The following PTPN13 variants were observed in gnomAD, a reference collection of about 807,000 sequenced individuals.
PTPN13 encodes tyrosine-protein phosphatase non-receptor type 13.
PTPN13 carries 191 observed loss-of-function variants against 284.0 expected under a neutral mutation model. That is an observed-to-expected ratio of 0.67 (90% CI 0.60 to 0.76). PTPN13 has a LOEUF of 0.76. Ranked by LOEUF, PTPN13 falls within the 30% of genes least tolerant of loss-of-function variation. The pLI, the probability that PTPN13 is intolerant of heterozygous loss-of-function variation, is 0.00. For synonymous variants in PTPN13, 986 were observed against 1,022.3 expected (o/e 0.96, Z 0.68); for missense variants, 2,797 against 2,939.9 (o/e 0.95, Z 1.12).
intron 5 of PTPN13, among the ~76,000 whole-genome samples, chr4:86,690,910 T>A (rs1443216837): frequency 1.3e-5 from 2 of 152,116 alleles, no homozygotes; most frequent in East Asian, 3.9e-4. Flanking sequence ...AAGATACAAA[T>A]TTGAATAAAA....
chr4:86,747,225 G>C (rs1208905861), intron 17 of PTPN13, among the ~76,000 whole-genome samples: 1 of 152,212 alleles, frequency 6.6e-6, no homozygotes, highest in Non-Finnish European at 1.5e-5. Context: ...GAGCCAAATT[G>C]CCAGTGGCAA....
chr4:86,784,953 A>C (rs916672018), intron 38 of PTPN13, among the ~76,000 whole-genome samples: 1 of 152,110 alleles, frequency 6.6e-6, no homozygotes, highest in African/African-American at 2.4e-5. Context: ...ATAAACATTA[A>C]ATTATTAATG....
intron 41 of PTPN13, among the ~76,000 whole-genome samples, chr4:86,797,974 T>C (rs1479835735): frequency 6.6e-6 from 1 of 152,084 alleles, no homozygotes; most frequent in Non-Finnish European, 1.5e-5. Flanking sequence ...CTCCATCAAG[T>C]TTAGCACACT....
At position 86,769,856 on chromosome 4, in the gene PTPN13, T is replaced by G; in HGVS notation, c.4577T>G (p.Ile1526Ser). ...GAAGATAATCTTATACCGGAGCAAA[T>G]TAATGCCAGCATAGTAAGGGTTAAA... is the stretch of plus-strand genomic sequence containing the variant. Reference protein sequence around the residue: ...SREDNLIPEQINASIVRVKKL... With the variant: ...SREDNLIPEQSNASIVRVKKL... Residue 1526 changes from isoleucine (I) to serine (S), a missense_variant, in exon 29 of 48, where the codon ATT becomes AGT. Coordinates refer to ENST00000411767, the MANE Select transcript of PTPN13 (RefSeq NM_080683.3). 2 of 1,613,880 alleles carry G rather than the reference T, an allele frequency of 1.2e-6. No homozygotes were observed. The highest frequency in any genetic ancestry group is 1.7e-6 in the Non-Finnish European group (2 of 1,179,836).
chr4:86,797,735 T>G (rs1160420158), intron 41 of PTPN13, among the ~76,000 whole-genome samples: 2 of 151,970 alleles, frequency 1.3e-5, no homozygotes, highest in Non-Finnish European at 2.9e-5. Flanking sequence ...ACTTCAAAAT[T>G]TTTTAATTTT....
chr4:86,629,942 T>A (rs960249023), intron 1 of PTPN13, among the ~76,000 whole-genome samples: 2 of 151,980 alleles, frequency 1.3e-5, no homozygotes, highest in African/African-American at 4.8e-5. Context: ...AAAAGCATTA[T>A]TATATATAGA....
chr4:86,610,203 T>TC (rs1765144000), intron 1 of PTPN13, among the ~76,000 whole-genome samples: 1 of 151,890 alleles, frequency 6.6e-6, no homozygotes, highest in Non-Finnish European at 1.5e-5. Context: ...ACAGCAAAAC[T>TC]CCATCTCAAA....
At chr4:86,725,627 T>A (rs754088470) in intron 10 of PTPN13, among the ~76,000 whole-genome samples, 3 of 149,776 alleles carry the variant, frequency 2.0e-5, no homozygotes, top group Non-Finnish European at 4.5e-5. Flanking sequence ...TTTTGAGAAG[T>A]GTCTGTTCAT....
intron 30 of PTPN13, 47 bp downstream of exon 30, chr4:86,770,246 A>G (rs1315708676): frequency 1.3e-6 from 2 of 1,482,830 alleles, no homozygotes; most frequent in Non-Finnish European, 9.3e-7. Flanking sequence ...ATATCAACTT[A>G]GCAACTAACT....
intron 1 of PTPN13, among the ~76,000 whole-genome samples, chr4:86,620,752 C>A (rs1721134799): frequency 6.6e-6 from 1 of 152,124 alleles, no homozygotes; most frequent in Admixed American, 6.5e-5. Flanking sequence ...ATATTTCTAC[C>A]AAGTGCTCTT....
Position 86,762,877 on chromosome 4 carries a change from C to T in PTPN13, c.3704C>T (p.Pro1235Leu), listed in dbSNP as rs1003983593. ...CACATCTCGGAGAACTCCTTTGGGC[C>T]ATCTGGGGGCCTGCGGGAAGGAAGC... ...LRHISENSFG[P>L]SGGLREGSLS... is the part of the protein sequence containing the mutation. Residue 1235 changes from proline to leucine, a missense_variant, in exon 24 of 48, where the codon CCA becomes CTA. Coordinates refer to ENST00000411767, the MANE Select transcript of PTPN13 (RefSeq NM_080683.3). 5.0e-6 allele frequency: 8 copies of T among 1,613,648 alleles called. No individual in the cohort carries two copies. Among genetic ancestry groups the T allele is most frequent in the Middle Eastern group, 1.6e-4 (1 of 6,084 alleles).
intron 2 of PTPN13, among the ~76,000 whole-genome samples, chr4:86,643,074 A>G (rs1385058253): frequency 1.3e-5 from 2 of 152,172 alleles, no homozygotes. Flanking sequence ...AGTCAGAGGA[A>G]GAGACTCAAT....
intron 27 of PTPN13, among the ~76,000 whole-genome samples, chr4:86,767,439 T>A (rs1739463883): frequency 6.6e-6 from 1 of 151,804 alleles, no homozygotes. Context: ...AGAGATGGGG[T>A]TTCACCATGT....
At chr4:86,660,005 A>C (rs1301069553) in intron 2 of PTPN13, among the ~76,000 whole-genome samples, 1 of 152,228 alleles carries the variant, frequency 6.6e-6, no homozygotes, top group Non-Finnish European at 1.5e-5. Context: ...TTCAAGAAGA[A>C]GGAAATATAA....
At chr4:86,686,686 A>C (rs775541773) in intron 3 of PTPN13, 24 bp from the exon 4 acceptor site, 1 of 1,432,574 alleles carries the variant, frequency 7.0e-7, no homozygotes, top group South Asian at 1.3e-5. Flanking sequence ...TCATAAAATT[A>C]TTTCTTAAAA....
chr4:86,680,347 C>CTATCTCTATCTA (rs1554306602), intron 3 of PTPN13, among the ~76,000 whole-genome samples: 2 of 142,550 alleles, frequency 1.4e-5, no homozygotes, highest in African/African-American at 2.6e-5. Flanking sequence ...TTCTATCTAT[C>CTATCTCTATCTA]TCTATCTATC....
chr4:86,741,033 T>C (rs942820835), intron 15 of PTPN13, among the ~76,000 whole-genome samples: 5 of 152,230 alleles, frequency 3.3e-5, no homozygotes, highest in African/African-American at 1.2e-4. Context: ...TTATTGTTCA[T>C]ATCACTATCA....
chr4:86,763,046 C>G lies in PTPN13; in HGVS notation c.3873C>G (p.Thr1291=), dbSNP rs775967044. The part of the protein sequence containing the change: ...SPSPSVISKA[T]EKETFTDSNQ... ...CCCCATCTGTAATATCCAAAGCCAC[C>G]GAGAAAGAGACTTTCACTGATAGTA... Residue 1291 remains threonine (T), a synonymous_variant, in exon 24 of 48, where the codon ACC becomes ACG. Coordinates refer to ENST00000411767, the MANE Select transcript of PTPN13 (RefSeq NM_080683.3). 30 of 1,613,538 alleles carry G rather than the reference C, an allele frequency of 1.9e-5. No homozygotes were observed. The highest frequency in any genetic ancestry group is 2.5e-5 in the Non-Finnish European group (30 of 1,179,828).
In PTPN13 at chr4:86,772,829, C is replaced by T. The variant is rs768012308; in HGVS notation, c.5220C>T (p.Pro1740=). Residue 1740 remains proline, a synonymous_variant, in exon 32 of 48, where the codon CCC becomes CCT. Coordinates refer to ENST00000411767, the MANE Select transcript of PTPN13 (RefSeq NM_080683.3). ...PDMAPGQSYQ[P]QSESASSSSM... The stretch of plus-strand genomic sequence containing the variant: ...TGGCTCCTGGGCAGAGTTATCAACC[C>T]CAATCAGAATCTGCTTCCTCTAGTT... 21 of 1,613,418 alleles carry T rather than the reference C, an allele frequency of 1.3e-5. No individual in the cohort carries two copies. Among genetic ancestry groups the T allele is most frequent in the Non-Finnish European group, 1.6e-5 (19 of 1,179,588 alleles).
Sources: allele counts gnomAD v4.1 joint callset (sites outside exome capture counted in the v4.1 genomes callset), GRCh38; gene constraint gnomAD v4.1.1; transcripts MANE v1.5; gene names NCBI Gene and HGNC (gene_info 2026-07-23, HGNC 2026-07-21).